The following CERS1 variants were observed in gnomAD, a reference collection of about 807,000 sequenced individuals.
CERS1 encodes the protein Embryonic growth/differentiation factor 1.
A neutral mutation model predicts 35.7 loss-of-function variants in CERS1; 16 were observed. The ratio of observed to expected loss-of-function variants is 0.45; its 90% CI spans 0.30 to 0.68. The LOEUF (loss-of-function observed/expected upper bound fraction) is 0.68. CERS1 is among the 30% of genes least tolerant of loss of function. The probability of loss-of-function intolerance (pLI) is 0.08; values close to 1 mark genes in which losing one functional copy is unlikely to be tolerated. For synonymous variants in CERS1, 243 were observed against 201.6 expected (o/e 1.21, Z -1.74); for missense variants, 454 against 453.9 (o/e 1.00, Z 0.00).
rs1290308697 is a variant in CERS1, at chr19:18,893,549, C to A, written c.276G>T (p.Gln92His). ...CGGGCATCTTGGCGGCATCTCTGGGCTGGAGGCAGCACCGCTTCGCCAGGG... is the reference window on the plus strand; with the variant it reads ...CGGGCATCTTGGCGGCATCTCTGGGATGGAGGCAGCACCGCTTCGCCAGGG... Reference protein sequence around the residue: ...FRPLAKRCCLQPRDAAKMPES... With the variant: ...FRPLAKRCCLHPRDAAKMPES... The change falls in exon 2 of 8, where the codon CAG (glutamine) becomes CAT (histidine). Residue 92 changes from glutamine to histidine, a missense_variant. Coordinates refer to ENST00000623882, the MANE Select transcript of CERS1 (RefSeq NM_021267.5). 1 of 1,610,406 alleles carries A rather than the reference C, an allele frequency of 6.2e-7. No homozygotes were observed. The highest frequency in any genetic ancestry group is 8.5e-7 in the Non-Finnish European group (1 of 1,178,766).
intron 2 of CERS1, among the ~76,000 whole-genome samples, chr19:18,890,231 G>A (rs560497021): frequency 6.6e-6 from 1 of 152,246 alleles, no homozygotes; most frequent in East Asian, 1.9e-4. Context: ...CCCTGTCCCT[G>A]CTAAAAACTG....
intron 2 of CERS1, among the ~76,000 whole-genome samples, chr19:18,891,061 T>C (rs1257693282): frequency 5.9e-5 from 9 of 151,588 alleles, no homozygotes; most frequent in African/African-American, 1.5e-4. Context: ...GAGGTGGAGA[T>C]TGCAGTGAGC....
intron 6 of CERS1, among the ~76,000 whole-genome samples, chr19:18,871,214 C>A (rs1413914961): frequency 2.0e-5 from 3 of 146,354 alleles, no homozygotes; most frequent in Non-Finnish European, 3.0e-5. Context: ...CACGCCACCA[C>A]TCCCAGCAAT....
intron 2 of CERS1, among the ~76,000 whole-genome samples, chr19:18,888,620 C>T (rs1568304771): frequency 1.3e-5 from 2 of 150,386 alleles, no homozygotes; most frequent in Admixed American, 6.7e-5. Flanking sequence ...CACCTGAAGT[C>T]GGGAGTTCAA....
At position 18,895,140 on chromosome 19, in the gene CERS1, C is replaced by T. The variant is rs536167088; in HGVS notation, c.249+684G>A. 4.7e-4 allele frequency among the ~76,000 whole-genome samples: 72 copies of T among 152,260 alleles called. 2 individuals are homozygous for T. Among genetic ancestry groups the T allele is most frequent in the Admixed American group, 1.3e-4 (2 of 15,294 alleles). On this transcript the variant is annotated intron_variant, in intron 1 of 7. Coordinates refer to ENST00000623882, the MANE Select transcript of CERS1 (RefSeq NM_021267.5). This position sits in a 1 kb window ranked among gnomAD's most constrained non-coding sequence, Gnocchi z 6.4. ...CCGGGCCATGTCACCTCCAAGGGAG[C>T]GACCACTGGCGTGGCCAGAGCACCC...
Position 18,880,436 on chromosome 19 carries a change from C to A in CERS1, c.591-1G>T. ...CACAAGGATGCCCACATTGTGGTAC[C>A]TGGGGGAGCAGCAGGCAGAGAGGAG... On this transcript the variant is annotated splice_acceptor_variant, in intron 3 of 7. Transcript: ENST00000623882. LOFTEE classifies it high-confidence loss of function. The A allele has an allele frequency of 6.3e-7, 1 of 1,579,982 alleles. No homozygotes were observed. Among genetic ancestry groups the A allele is most frequent in the Non-Finnish European group, 8.6e-7 (1 of 1,160,444 alleles).
chr19:18,888,931 G>A lies in CERS1; in HGVS notation c.409+4485C>T, dbSNP rs531649645. On this transcript the variant is annotated intron_variant, in intron 2 of 7. Coordinates refer to ENST00000623882, the MANE Select transcript of CERS1 (RefSeq NM_021267.5). Reference sequence around the variant, plus strand: ...TTTTGAGACAGAGTCTTGCTCTGTCGCCTAGGCTGGAGTGCAGTAGCATGA... The same window carrying A: ...TTTTGAGACAGAGTCTTGCTCTGTCACCTAGGCTGGAGTGCAGTAGCATGA... 2.3e-4 allele frequency among the ~76,000 whole-genome samples: 30 copies of A among 132,750 alleles called. No individual in the cohort carries two copies. In the South Asian group the frequency reaches 5.4e-3, roughly 24 times the overall value. 87.1% of individuals were successfully genotyped at this position (132,750 alleles called of 152,430 possible). A position where few individuals can be genotyped will look rare whatever the true frequency, so the allele number is the denominator to read the frequency against.
intron 2 of CERS1, among the ~76,000 whole-genome samples, chr19:18,891,006 T>C (rs2056477351): frequency 1.3e-5 from 2 of 151,572 alleles, no homozygotes; most frequent in Non-Finnish European, 2.9e-5. Context: ...TGCCTATAAT[T>C]CCAGCTACTT....
intron 2 of CERS1, among the ~76,000 whole-genome samples, chr19:18,889,257 C>G (rs79586006): frequency 0.01 from 1,590 of 152,210 alleles, 31 homozygotes; most frequent in African/African-American, 0.036. Context: ...CTGATCCTCT[C>G]CATCCTGACT....
At chr19:18,875,571 T>A (rs996609933) in intron 6 of CERS1, among the ~76,000 whole-genome samples, 3 of 151,734 alleles carry the variant, frequency 2.0e-5, no homozygotes, top group African/African-American at 7.3e-5. Flanking sequence ...AGCTTTTGGA[T>A]TCAACTGTTA....
At chr19:18,877,421 A>C (rs2056077821) in intron 6 of CERS1, among the ~76,000 whole-genome samples, 1 of 152,142 alleles carries the variant, frequency 6.6e-6, no homozygotes, top group African/African-American at 2.4e-5. Flanking sequence ...CCACCTTTGG[A>C]AGACTCCTTG....
intron 3 of CERS1, among the ~76,000 whole-genome samples, chr19:18,882,712 A>C (rs889323663): frequency 5.3e-5 from 8 of 150,898 alleles, no homozygotes; most frequent in African/African-American, 1.9e-4. Context: ...TTTATTTTTG[A>C]GACGGAGTCT....
chr19:18,887,315 G>T (rs1311621057), intron 2 of CERS1, among the ~76,000 whole-genome samples: 1 of 152,242 alleles, frequency 6.6e-6, no homozygotes, highest in African/African-American at 2.4e-5. Context: ...AATCTACAGA[G>T]ATAGGAAGTA....
chr19:18,881,478 C>T (rs1000927229), intron 3 of CERS1, among the ~76,000 whole-genome samples: 1 of 152,078 alleles, frequency 6.6e-6, no homozygotes, highest in African/African-American at 2.4e-5. Flanking sequence ...CCTTGGCCTC[C>T]CGAAGTGCTG....
At chr19:18,889,596 A>AT (rs1162205222) in intron 2 of CERS1, among the ~76,000 whole-genome samples, 2 of 151,914 alleles carry the variant, frequency 1.3e-5, no homozygotes, top group Admixed American at 6.6e-5. Flanking sequence ...AGCTAATTTT[A>AT]TTTTTTTATT....
intron 2 of CERS1, among the ~76,000 whole-genome samples, chr19:18,885,761 C>T (rs984925364): frequency 2.4e-4 from 36 of 151,888 alleles, no homozygotes; most frequent in African/African-American, 7.5e-4. Flanking sequence ...CCTTGTGATC[C>T]GCCCGCCTCG....
In CERS1 at chr19:18,869,304, G is replaced by T. The variant is rs765449212; in HGVS notation, c.*681C>A. On this transcript the variant is annotated 3_prime_UTR_variant, in exon 8 of 8. Coordinates refer to ENST00000623882, the MANE Select transcript of CERS1 (RefSeq NM_021267.5). ...CGGGCCCGGCTCGGGCGCTCAGCGG[G>T]TTCCACAGCCGACAGGTCGAAGACG... is the stretch of plus-strand genomic sequence containing the variant. The T allele has an allele frequency of 4.3e-5, 65 of 1,518,516 alleles. No individual in the cohort carries two copies. The Admixed American group carries it at 1.3e-3, about 30-fold the overall frequency. The allele number at this position is 1,518,516 out of a possible 1,614,324, so 94.1% of individuals were successfully genotyped here.
At chr19:18,880,673 C>T (rs1056253657) in intron 3 of CERS1, among the ~76,000 whole-genome samples, 3 of 151,908 alleles carry the variant, frequency 2.0e-5, no homozygotes, top group Admixed American at 1.3e-4. Context: ...GCCTCAGTGT[C>T]CCCATGTGGC....
chr19:18,884,417 ATTTT>A (rs11297387), intron 2 of CERS1, 150 bp from the exon 3 acceptor site: 27 of 562,648 alleles, frequency 4.8e-5, no homozygotes, highest in South Asian at 1.3e-4. Context: ...TCCCAATTCT[ATTTT>A]TTTTTTTTTT....
Sources: allele counts gnomAD v4.1 joint callset (sites outside exome capture counted in the v4.1 genomes callset), GRCh38; gene constraint gnomAD v4.1.1; non-coding constraint Gnocchi (gnomAD v3.1); transcripts MANE v1.5; gene names NCBI Gene and HGNC (gene_info 2026-07-23, HGNC 2026-07-21).